AGPAT3: variants seen among roughly 807,000 people sequenced by gnomAD.
AGPAT3 encodes 1-acylglycerol-3-phosphate O-acyltransferase 3, also known as 1-acyl-sn-glycerol-3-phosphate acyltransferase gamma.
In AGPAT3, 5 loss-of-function variants were observed where a neutral mutation model predicts 47.3. The ratio of observed to expected loss-of-function variants is 0.11; its 90% CI spans 0.06 to 0.22. The LOEUF (loss-of-function observed/expected upper bound fraction) is 0.22. Ranked by LOEUF, AGPAT3 falls within the 10% of genes least tolerant of loss-of-function variation. The pLI, the probability that AGPAT3 is intolerant of heterozygous loss-of-function variation, is 1.00. For synonymous variants in AGPAT3, 212 were observed against 208.3 expected (o/e 1.02, Z -0.15); for missense variants, 315 against 493.0 (o/e 0.64, Z 3.42).
At chr21:43,884,894 A>C (rs2085940321) in intron 1 of AGPAT3, among the ~76,000 whole-genome samples, 2 of 152,108 alleles carry the variant, frequency 1.3e-5, no homozygotes, top group Non-Finnish European at 2.9e-5. Flanking sequence ...TGCTTGTGTA[A>C]TTGTCTCCTT....
At chr21:43,910,065 G>T (rs538306908) in intron 2 of AGPAT3, among the ~76,000 whole-genome samples, 1 of 152,186 alleles carries the variant, frequency 6.6e-6, no homozygotes, top group African/African-American at 2.4e-5. Context: ...AACCCACAGC[G>T]TGACCCGTGG....
intron 1 of AGPAT3, among the ~76,000 whole-genome samples, chr21:43,875,553 G>T (rs572309544): frequency 1.3e-5 from 2 of 152,182 alleles, no homozygotes; most frequent in African/African-American, 2.4e-5. Context: ...TATTTCTTCA[G>T]CTGTCTTCCA....
At position 43,983,938 on chromosome 21, in the gene AGPAT3, A is replaced by G. The variant is rs1200945210; in HGVS notation, c.*1546A>G. 1 of 152,308 alleles carries G rather than the reference A, an allele frequency of 6.6e-6. No individual in the cohort carries two copies. Among genetic ancestry groups the G allele is most frequent in the Non-Finnish European group, 1.5e-5 (1 of 68,062 alleles). 9.4% of individuals were successfully genotyped at this position (152,308 alleles called of 1,614,324 possible). On this transcript the variant is annotated 3_prime_UTR_variant, in exon 10 of 10. Transcript: ENST00000291572. ...GCATGAAGAAAAGTAAACCGAGAAC[A>G]TAATTAGGCATCGGGCCTAAGTGTC...
intron 2 of AGPAT3, among the ~76,000 whole-genome samples, chr21:43,905,983 C>T (rs1004837940): frequency 6.6e-6 from 1 of 152,270 alleles, no homozygotes; most frequent in African/African-American, 2.4e-5. Context: ...GGCCAAGGCG[C>T]GTCAGGCATC....
chr21:43,895,407 C>G (rs2086192753), intron 1 of AGPAT3, among the ~76,000 whole-genome samples: 1 of 151,986 alleles, frequency 6.6e-6, no homozygotes, highest in Non-Finnish European at 1.5e-5. Flanking sequence ...CTGTGCCCAG[C>G]CTGTTATCAG....
chr21:43,932,677 G>C lies in AGPAT3; in HGVS notation c.-48-26957G>C, dbSNP rs1601343097. On this transcript the variant is annotated intron_variant, in intron 2 of 9. Transcript: ENST00000291572. The surrounding 1 kb of genome is among the most constrained non-coding windows in gnomAD (Gnocchi z 5.2). ...GTTCCTTTTGTTTTCTTGAGACGGAGTCTTGCTCTGTCGCCCAGGCTGGAG... is the reference window on the plus strand; with the variant it reads ...GTTCCTTTTGTTTTCTTGAGACGGACTCTTGCTCTGTCGCCCAGGCTGGAG... Among the ~76,000 whole-genome samples the C allele has an allele frequency of 1.3e-5, 2 of 152,228 alleles. No homozygotes were observed. Among genetic ancestry groups the C allele is most frequent in the Admixed American group, 6.5e-5 (1 of 15,284 alleles).
At chr21:43,926,404 G>A (rs1387628601) in intron 2 of AGPAT3, among the ~76,000 whole-genome samples, 1 of 152,190 alleles carries the variant, frequency 6.6e-6, no homozygotes, top group Non-Finnish European at 1.5e-5. Context: ...AGCAGGGAGG[G>A]CATGCGCATC....
In AGPAT3 at chr21:43,952,932, C is replaced by T. The variant is rs146643323; in HGVS notation, c.-48-6702C>T. On this transcript the variant is annotated intron_variant, in intron 2 of 9. Coordinates refer to ENST00000291572, the MANE Select transcript of AGPAT3 (RefSeq NM_020132.5). This position sits in a 1 kb window ranked among gnomAD's most constrained non-coding sequence, Gnocchi z 5.6. The stretch of plus-strand genomic sequence containing the variant: ...GGTCCCCAGGGTGCTGGGGGCTGCC[C>T]AGGCTATCTGCTGCGGTCAGGGTGT... Among the ~76,000 whole-genome samples, 35 of 152,288 alleles carry T rather than the reference C, an allele frequency of 2.3e-4. No homozygotes were observed. The East Asian group carries it at 6.4e-3, about 28-fold the overall frequency.
chr21:43,901,713 T>A (rs1172182085), intron 1 of AGPAT3, among the ~76,000 whole-genome samples: 1 of 152,116 alleles, frequency 6.6e-6, no homozygotes, highest in Admixed American at 6.6e-5. Flanking sequence ...AGGTTGAGGC[T>A]GCAGTGAGCC....
chr21:43,905,149 A>G (rs992812276), intron 2 of AGPAT3, among the ~76,000 whole-genome samples: 1 of 146,052 alleles, frequency 6.8e-6, no homozygotes, highest in East Asian at 2.0e-4. Flanking sequence ...TCTTTTTTTA[A>G]AAAAAATATT....
rs376261516 is a variant in AGPAT3 at position 43,939,251 on chromosome 21, A to G, written c.-48-20383A>G. On this transcript the variant is annotated intron_variant, in intron 2 of 9. Coordinates refer to ENST00000291572, the MANE Select transcript of AGPAT3 (RefSeq NM_020132.5). This position sits in a 1 kb window ranked among gnomAD's most constrained non-coding sequence, Gnocchi z 4.4. ...GGGGGCGCTCCCTTAGGAACACCCC[A>G]TCCCCGTCCCCGTGTGCTGTCGAGG... Among the ~76,000 whole-genome samples the G allele has an allele frequency of 1.3e-5, 2 of 152,158 alleles. No homozygotes were observed. Among genetic ancestry groups the G allele is most frequent in the South Asian group, 4.2e-4 (2 of 4,814 alleles).
At chr21:43,881,914 C>T (rs2085861559) in intron 1 of AGPAT3, among the ~76,000 whole-genome samples, 1 of 152,248 alleles carries the variant, frequency 6.6e-6, no homozygotes, top group Non-Finnish European at 1.5e-5. Context: ...GCCTCAGCCT[C>T]CCAAAGTGCT....
At chr21:43,963,369 C>T (rs1231992053) in intron 3 of AGPAT3, among the ~76,000 whole-genome samples, 1 of 152,102 alleles carries the variant, frequency 6.6e-6, no homozygotes, top group Non-Finnish European at 1.5e-5. Context: ...AGAGCGAATG[C>T]ACAGAAATCC....
intron 7 of AGPAT3, among the ~76,000 whole-genome samples, chr21:43,972,258 T>C (rs1161839572): frequency 6.6e-6 from 1 of 152,084 alleles, no homozygotes; most frequent in African/African-American, 2.4e-5. Context: ...AATTCTCCTG[T>C]CTCAGCCTCC....
chr21:43,888,134 A>G (rs1050968631), intron 1 of AGPAT3, among the ~76,000 whole-genome samples: 1 of 152,172 alleles, frequency 6.6e-6, no homozygotes, highest in African/African-American at 2.4e-5. Context: ...TCAACCTCCC[A>G]GGCTCAAACG....
chr21:43,881,842 G>T (rs539061624), intron 1 of AGPAT3, among the ~76,000 whole-genome samples: 59 of 152,290 alleles, frequency 3.9e-4, no homozygotes, highest in Admixed American at 3.3e-3. Context: ...TTTTAATAGA[G>T]ACGGGGGTTT....
chr21:43,877,125 C>G (rs143472373), intron 1 of AGPAT3, among the ~76,000 whole-genome samples: 1 of 152,350 alleles, frequency 6.6e-6, no homozygotes, highest in Admixed American at 6.5e-5. Flanking sequence ...TCCCGAAGTG[C>G]TGGGATTACA....
At chr21:43,871,071 C>T (rs995199822) in intron 1 of AGPAT3, among the ~76,000 whole-genome samples, 4 of 152,238 alleles carry the variant, frequency 2.6e-5, no homozygotes, top group South Asian at 2.1e-4. Context: ...AAACTGCACA[C>T]GCCAAATTAC....
intron 2 of AGPAT3, 62 bp from the exon 3 acceptor site, chr21:43,959,571 CG>C (rs1375537113): frequency 2.1e-5 from 31 of 1,477,648 alleles, no homozygotes; most frequent in Middle Eastern, 3.8e-4. Flanking sequence ...AGCAGTGCCC[CG>C]GTGTTCCTGT....
Sources: gnomAD v4.1 joint callset for allele counts (sites outside exome capture counted in the v4.1 genomes callset) on GRCh38, gnomAD v4.1.1 for gene constraint, Gnocchi (gnomAD v3.1) non-coding constraint, MANE v1.5 for transcripts, NCBI Gene and HGNC (gene_info 2026-07-23, HGNC 2026-07-21) for gene names.